The following NDST4 variants were observed in gnomAD, a reference collection of about 807,000 sequenced individuals.
The protein encoded by NDST4 is N-heparan sulfate sulfotransferase 4.
NDST4 carries 63 observed loss-of-function variants against 100.8 expected under a neutral mutation model. That is an observed-to-expected ratio of 0.62 (90% confidence interval 0.51 to 0.77). The LOEUF is 0.77. Among genes scored for constraint, NDST4 ranks in the 30% least tolerant of loss-of-function variants. The probability of loss-of-function intolerance (pLI) is 0.00; values close to 1 mark genes in which losing one functional copy is unlikely to be tolerated. For synonymous variants in NDST4, 377 were observed against 361.8 expected, an observed-to-expected ratio of 1.04 and a Z score of -0.48; for missense variants, 943 against 1,018.4, an observed-to-expected ratio of 0.93 and a Z score of 1.01.
intron 7 of NDST4, among the ~76,000 whole-genome samples, chr4:114,867,799 A>T (rs1266788477): frequency 6.6e-6 from 1 of 152,040 alleles, no homozygotes; most frequent in African/African-American, 2.4e-5. Context: ...CACACTAAGG[A>T]CTAAACTGAC....
chr4:114,961,553 A>G (rs1203698116), intron 4 of NDST4, among the ~76,000 whole-genome samples: 1 of 152,060 alleles, frequency 6.6e-6, no homozygotes, highest in Non-Finnish European at 1.5e-5. Context: ...ATGAGGTAAT[A>G]CTATGAACAT....
At chr4:114,887,123 C>T (rs1724495639) in intron 6 of NDST4, among the ~76,000 whole-genome samples, 1 of 152,216 alleles carries the variant, frequency 6.6e-6, no homozygotes, top group Admixed American at 6.5e-5. Context: ...CAATATTCCT[C>T]AATGTGCTAA....
Position 114,977,175 on chromosome 4 carries a change from G to A in NDST4, c.1066+12C>T. 6.4e-7 allele frequency: 1 copy of A among 1,550,784 alleles called. No homozygotes were observed. The highest frequency in any genetic ancestry group is 8.8e-7 in the Non-Finnish European group (1 of 1,130,476). Reference sequence around the variant, plus strand: ...ATATGTAGCTGCCTGAGAACACAAAGCTCCTTCTTACCTGTGTGGTAAAAC... The same window carrying A: ...ATATGTAGCTGCCTGAGAACACAAAACTCCTTCTTACCTGTGTGGTAAAAC... On this transcript the variant is annotated intron_variant, in intron 3 of 13. Transcript: ENST00000264363.
intron 1 of NDST4, among the ~76,000 whole-genome samples, chr4:115,099,527 GAA>G (rs1729688551): frequency 6.6e-6 from 1 of 152,034 alleles, no homozygotes; most frequent in Non-Finnish European, 1.5e-5. Context: ...CCTCCTTAAT[GAA>G]AAAATACAAA....
chr4:114,996,590 C>G (rs1414304690), intron 2 of NDST4, among the ~76,000 whole-genome samples: 2 of 152,042 alleles, frequency 1.3e-5, no homozygotes, highest in Non-Finnish European at 2.9e-5. Context: ...CTCTCTGTTT[C>G]CTAGGTTCTA....
Position 114,827,789 on chromosome 4 carries a change from T to A in NDST4, c.*27A>T, listed in dbSNP as rs1723109750. ...TTTTTTTTTAACACTAAAAGTATCT[T>A]GAGAGGCTTAGTTCTTGTCTCCAGT... On this transcript the variant is annotated 3_prime_UTR_variant, in exon 14 of 14. Coordinates refer to ENST00000264363, the MANE Select transcript of NDST4 (RefSeq NM_022569.3). 1 of 1,601,378 alleles carries A rather than the reference T, an allele frequency of 6.2e-7. No individual in the cohort carries two copies. Among genetic ancestry groups the A allele is most frequent in the Non-Finnish European group, 8.5e-7 (1 of 1,175,826 alleles).
intron 1 of NDST4, among the ~76,000 whole-genome samples, chr4:115,106,588 T>C (rs1729837635): frequency 6.6e-6 from 1 of 152,136 alleles, no homozygotes; most frequent in African/African-American, 2.4e-5. Flanking sequence ...TGTACATAAT[T>C]GTTATACTGT....
At chr4:115,037,770 T>C (rs577021960) in intron 2 of NDST4, among the ~76,000 whole-genome samples, 27 of 152,280 alleles carry the variant, frequency 1.8e-4, no homozygotes, top group African/African-American at 6.3e-4. Flanking sequence ...ATGTCAGTCA[T>C]AGTCAGCAGT....
In NDST4 at chr4:115,009,549, G is replaced by T. The variant is rs1443983735; in HGVS notation, c.979-32275C>A. ...AAAAATTAATTCAAGATGGATTAAAGACTTAAACGTTAGACCTAAAACCAT... is the reference window on the plus strand; with the variant it reads ...AAAAATTAATTCAAGATGGATTAAATACTTAAACGTTAGACCTAAAACCAT... On this transcript the variant is annotated intron_variant, in intron 2 of 13. Coordinates refer to ENST00000264363, the MANE Select transcript of NDST4 (RefSeq NM_022569.3). Among the ~76,000 whole-genome samples the T allele has an allele frequency of 1.6e-5, 2 of 122,696 alleles. 1 individual carries two copies. The highest frequency in any genetic ancestry group is 6.4e-5 in the African/African-American group (2 of 31,424). The allele number at this position is 122,696 out of a possible 152,430, so 80.5% of individuals were successfully genotyped here. A position where few individuals can be genotyped will look rare whatever the true frequency, so the allele number is the denominator to read the frequency against.
At chr4:114,853,005 A>C (rs1012905055) in intron 7 of NDST4, among the ~76,000 whole-genome samples, 184 bp from the exon 8 acceptor site, 1 of 152,114 alleles carries the variant, frequency 6.6e-6, no homozygotes, top group Non-Finnish European at 1.5e-5. Context: ...TCCTTATCTC[A>C]AGGCTGGGAC....
chr4:115,027,939 G>A (rs1728024207), intron 2 of NDST4, among the ~76,000 whole-genome samples: 1 of 151,952 alleles, frequency 6.6e-6, no homozygotes, highest in Admixed American at 6.6e-5. Flanking sequence ...TATAATCCCA[G>A]CTACTCGAGA....
intron 2 of NDST4, among the ~76,000 whole-genome samples, chr4:115,065,568 G>A (rs1403120213): frequency 1.3e-5 from 2 of 151,908 alleles, no homozygotes; most frequent in Non-Finnish European, 2.9e-5. Context: ...ATATTAATAT[G>A]CTCAATGAAT....
chr4:115,010,627 G>C (rs1232405227), intron 2 of NDST4, among the ~76,000 whole-genome samples: 1 of 74,758 alleles, frequency 1.3e-5, no homozygotes, highest in East Asian at 4.9e-4. Flanking sequence ...CATGGCACAT[G>C]TATACATATG....
chr4:114,963,707 T>A (rs867404100), intron 4 of NDST4, among the ~76,000 whole-genome samples: 1 of 152,200 alleles, frequency 6.6e-6, no homozygotes, highest in Non-Finnish European at 1.5e-5. Flanking sequence ...GGCAACGGAT[T>A]AGATGAGAGA....
chr4:115,064,326 A>C (rs928294987), intron 2 of NDST4, among the ~76,000 whole-genome samples: 3 of 152,036 alleles, frequency 2.0e-5, no homozygotes, highest in Non-Finnish European at 1.5e-5. Flanking sequence ...AATTGTTTCA[A>C]TCGATCATAA....
intron 4 of NDST4, among the ~76,000 whole-genome samples, chr4:114,951,932 T>C (rs2126232336): frequency 6.6e-6 from 1 of 152,276 alleles, no homozygotes. Flanking sequence ...GAAATAATAG[T>C]TGTAGAAAAT....
intron 2 of NDST4, among the ~76,000 whole-genome samples, chr4:115,046,102 C>T (rs1249888539): frequency 6.6e-6 from 1 of 152,132 alleles, no homozygotes; most frequent in African/African-American, 2.4e-5. Flanking sequence ...ACAGATATAC[C>T]TGCGACTCTC....
intron 10 of NDST4, among the ~76,000 whole-genome samples, chr4:114,845,049 G>T (rs1005209379): frequency 1.3e-5 from 2 of 152,162 alleles, no homozygotes; most frequent in Non-Finnish European, 2.9e-5. Context: ...AAAAGAATGG[G>T]CTGGGCTTGG....
At chr4:115,061,942 A>G (rs532908938) in intron 2 of NDST4, among the ~76,000 whole-genome samples, 5 of 152,214 alleles carry the variant, frequency 3.3e-5, no homozygotes, top group African/African-American at 9.6e-5. Flanking sequence ...AGTTAATCAT[A>G]TATTTTAGGA....
Sources: gnomAD v4.1 joint callset for allele counts (sites outside exome capture counted in the v4.1 genomes callset) on GRCh38, gnomAD v4.1.1 for gene constraint, MANE v1.5 for transcripts, NCBI Gene and HGNC (gene_info 2026-07-23, HGNC 2026-07-21) for gene names.